The following KCND2 variants were observed in gnomAD, a reference collection of about 807,000 sequenced individuals.
KCND2 encodes A-type voltage-gated potassium channel KCND2.
Under a neutral mutation model 54.4 loss-of-function variants are expected in KCND2, and 16 were observed. The ratio of observed to expected loss-of-function variants is 0.29; its 90% CI spans 0.20 to 0.45. KCND2 has a LOEUF of 0.45. Ranked by LOEUF, KCND2 falls within the 20% of genes least tolerant of loss-of-function variation. The pLI, the probability that KCND2 is intolerant of heterozygous loss-of-function variation, is 1.00. For missense variants in KCND2, 486 were observed against 824.2 expected (o/e 0.59, Z 5.02); for synonymous variants, 317 against 310.7 (o/e 1.02, Z -0.21).
At chr7:120,370,942 C>G (rs929176928) in intron 1 of KCND2, among the ~76,000 whole-genome samples, 4 of 152,006 alleles carry the variant, frequency 2.6e-5, no homozygotes, top group African/African-American at 9.7e-5. Context: ...TTTTATTACT[C>G]CAGATAGGTT....
At chr7:120,678,424 CA>C (rs1278208396) in intron 1 of KCND2, among the ~76,000 whole-genome samples, 1 of 139,748 alleles carries the variant, frequency 7.2e-6, no homozygotes, top group Non-Finnish European at 1.5e-5. Context: ...CACATACACA[CA>C]TATATATACA....
At chr7:120,573,222 T>A (rs2116429474) in intron 1 of KCND2, among the ~76,000 whole-genome samples, 1 of 152,332 alleles carries the variant, frequency 6.6e-6, no homozygotes, top group South Asian at 2.1e-4. Flanking sequence ...GTACTTTATG[T>A]CAGTAATTTT....
chr7:120,719,158 T>C (rs1179745509), intron 1 of KCND2, among the ~76,000 whole-genome samples: 1 of 152,168 alleles, frequency 6.6e-6, no homozygotes, highest in Non-Finnish European at 1.5e-5. Flanking sequence ...TTACTTTAAC[T>C]TATTTTTCAC....
At chr7:120,430,109 A>AG (rs1801768243) in intron 1 of KCND2, among the ~76,000 whole-genome samples, 1 of 152,170 alleles carries the variant, frequency 6.6e-6, no homozygotes, top group Non-Finnish European at 1.5e-5. Context: ...GGGAGGGTTA[A>AG]ACAACAGAAA....
chr7:120,525,940 A>G (rs527447573), intron 1 of KCND2, among the ~76,000 whole-genome samples: 2 of 152,226 alleles, frequency 1.3e-5, no homozygotes, highest in South Asian at 4.1e-4. Context: ...ATGTGTCAGT[A>G]CTGTGGATTC....
At chr7:120,364,083 A>T (rs1307174267) in intron 1 of KCND2, among the ~76,000 whole-genome samples, 1 of 152,164 alleles carries the variant, frequency 6.6e-6, no homozygotes, top group African/African-American at 2.4e-5. Context: ...CCTGGCACAT[A>T]AGAGATACTC....
chr7:120,286,381 G>C (rs17374849), intron 1 of KCND2, among the ~76,000 whole-genome samples: 1 of 151,714 alleles, frequency 6.6e-6, no homozygotes, highest in Non-Finnish European at 1.5e-5. Context: ...TATTTTGCTG[G>C]GAAACATAAC....
chr7:120,678,184 G>A (rs958862514), intron 1 of KCND2, among the ~76,000 whole-genome samples: 1 of 151,338 alleles, frequency 6.6e-6, no homozygotes, highest in African/African-American at 2.4e-5. Flanking sequence ...GATGGTTAGG[G>A]GGTTCTGACC....
At chr7:120,673,691 A>G (rs1334935019) in intron 1 of KCND2, among the ~76,000 whole-genome samples, 3 of 152,098 alleles carry the variant, frequency 2.0e-5, no homozygotes, top group Admixed American at 2.0e-4. Flanking sequence ...TTCCTTTGCT[A>G]TAATTTTTTC....
At chr7:120,670,210 C>A (rs1791975043) in intron 1 of KCND2, among the ~76,000 whole-genome samples, 2 of 152,094 alleles carry the variant, frequency 1.3e-5, no homozygotes, top group Non-Finnish European at 2.9e-5. Flanking sequence ...TTAAACATTT[C>A]TCCAACTTAT....
intron 1 of KCND2, among the ~76,000 whole-genome samples, chr7:120,462,545 T>C (rs969013589): frequency 6.6e-6 from 1 of 152,056 alleles, no homozygotes; most frequent in South Asian, 2.1e-4. Context: ...GATAATTCTC[T>C]TTTAACAGAA....
At chr7:120,399,349 T>C (rs1329061718) in intron 1 of KCND2, among the ~76,000 whole-genome samples, 1 of 151,632 alleles carries the variant, frequency 6.6e-6, no homozygotes, top group African/African-American at 2.4e-5. Context: ...GGTTCTTACA[T>C]TACATAAGAG....
At chr7:120,678,782 A>G (rs902157539) in intron 1 of KCND2, among the ~76,000 whole-genome samples, 2 of 144,064 alleles carry the variant, frequency 1.4e-5, no homozygotes, top group Non-Finnish European at 3.0e-5. Context: ...ATATATACAC[A>G]TAAACACACA....
intron 1 of KCND2, among the ~76,000 whole-genome samples, chr7:120,357,888 T>C (rs1584745508): frequency 6.6e-6 from 1 of 152,248 alleles, no homozygotes; most frequent in South Asian, 2.1e-4. Flanking sequence ...ATTATCTCTT[T>C]AAAGGACCTA....
chr7:120,345,694 T>A (rs1800306981), intron 1 of KCND2, among the ~76,000 whole-genome samples: 1 of 152,206 alleles, frequency 6.6e-6, no homozygotes, highest in Non-Finnish European at 1.5e-5. Context: ...CAAAATTTCC[T>A]TTCTTTGAAA....
intron 1 of KCND2, among the ~76,000 whole-genome samples, chr7:120,402,092 G>C (rs1801265289): frequency 6.6e-6 from 1 of 152,150 alleles, no homozygotes; most frequent in African/African-American, 2.4e-5. Context: ...AATGAGTTCA[G>C]AATGAAGCAG....
chr7:120,700,212 T>C (rs1308622023), intron 1 of KCND2, among the ~76,000 whole-genome samples: 7 of 152,168 alleles, frequency 4.6e-5, no homozygotes, highest in Admixed American at 2.0e-4. Flanking sequence ...TAGATGAGCA[T>C]TGAATGGTGA....
chr7:120,621,892 A>G (rs917238930), intron 1 of KCND2, among the ~76,000 whole-genome samples: 5 of 152,152 alleles, frequency 3.3e-5, no homozygotes, highest in Admixed American at 6.5e-5. Flanking sequence ...TCTTTTATTC[A>G]TCTTCCTGAA....
At chr7:120,687,566 A>G (rs992213687) in intron 1 of KCND2, among the ~76,000 whole-genome samples, 3 of 152,102 alleles carry the variant, frequency 2.0e-5, no homozygotes, top group African/African-American at 7.2e-5. Context: ...CTGTAATCCC[A>G]GCACTTTGGG....
Sources: gnomAD v4.1 joint callset for allele counts (sites outside exome capture counted in the v4.1 genomes callset) on GRCh38, gnomAD v4.1.1 for gene constraint, MANE v1.5 for transcripts, NCBI Gene and HGNC (gene_info 2026-07-23, HGNC 2026-07-21) for gene names.